KAT6B: variants seen among roughly 807,000 people sequenced by gnomAD.
KAT6B encodes histone acetyltransferase KAT6B.
In KAT6B, 10 loss-of-function variants were observed where a neutral mutation model predicts 187.5. That is an observed-to-expected ratio of 0.05 (90% confidence interval 0.03 to 0.09). The LOEUF (loss-of-function observed/expected upper bound fraction) is 0.09. Ranked by LOEUF, KAT6B falls within the 10% of genes least tolerant of loss-of-function variation. The pLI is 1.00. For missense variants in KAT6B, 1,952 were observed against 2,558.9 expected (o/e 0.76, Z 5.12); for synonymous variants, 861 against 926.8 (o/e 0.93, Z 1.29).
In KAT6B at chr10:75,022,224, A is replaced by C; in HGVS notation, c.3365A>C (p.Lys1122Thr). The change falls in exon 16 of 18, where the codon AAG (lysine) becomes ACG (threonine). Residue 1122 changes from lysine (K) to threonine (T), a missense_variant. Lys to Thr is a moderately conservative substitution (Grantham distance 78). Coordinates refer to ENST00000287239, the MANE Select transcript of KAT6B (RefSeq NM_012330.4). ...ACGAAACCACAGTCAGTTGCCATAA[A>C]GAGAAAGGTAGGTGTCTGTTTAGAT... The part of the protein sequence containing the change: ...RLTKPQSVAI[K>T]RKRPFVLKKK... The C allele has an allele frequency of 6.2e-7, 1 of 1,613,154 alleles. No homozygotes were observed.
At chr10:75,000,525 G>A (rs547022328) in intron 13 of KAT6B, among the ~76,000 whole-genome samples, 20 of 152,092 alleles carry the variant, frequency 1.3e-4, no homozygotes, top group African/African-American at 4.1e-4. Context: ...TGTAACTAAC[G>A]CTATAAAGGG....
At chr10:74,997,755 T>G (rs1297807395) in intron 13 of KAT6B, among the ~76,000 whole-genome samples, 1 of 152,164 alleles carries the variant, frequency 6.6e-6, no homozygotes, top group Non-Finnish European at 1.5e-5. Flanking sequence ...AGGCATTTTC[T>G]GGAACTTTGA....
chr10:74,826,391 G>A (rs577079720), upstream of KAT6B, among the ~76,000 whole-genome samples: 166 of 152,238 alleles, frequency 1.1e-3, no homozygotes, highest in African/African-American at 3.5e-3. Context: ...GTGCCGGAGG[G>A]GGGGATGATG....
intron 3 of KAT6B, among the ~76,000 whole-genome samples, chr10:74,934,362 A>G (rs1849095491): frequency 6.6e-6 from 1 of 152,126 alleles, no homozygotes; most frequent in South Asian, 2.1e-4. Context: ...CTCTCAACAT[A>G]CAGACATTGA....
intron 4 of KAT6B, among the ~76,000 whole-genome samples, chr10:74,968,780 C>T (rs1207428938): frequency 1.3e-5 from 2 of 152,138 alleles, no homozygotes; most frequent in Non-Finnish European, 2.9e-5. Flanking sequence ...TTAAACTGTA[C>T]AGCCTTCCAA....
chr10:74,967,286 C>T (rs1261625251), intron 4 of KAT6B, among the ~76,000 whole-genome samples: 3 of 146,978 alleles, frequency 2.0e-5, no homozygotes, highest in Non-Finnish European at 3.0e-5. Context: ...GCCAAGATGA[C>T]GCCACTGCAC....
At chr10:75,009,862 G>A (rs772015864) in intron 13 of KAT6B, among the ~76,000 whole-genome samples, 1 of 152,154 alleles carries the variant, frequency 6.6e-6, no homozygotes, top group African/African-American at 2.4e-5. Context: ...TTACCCAGGC[G>A]TGGTGGTGCA....
intron 3 of KAT6B, among the ~76,000 whole-genome samples, chr10:74,870,940 C>T (rs1267801068): frequency 1.4e-5 from 2 of 146,928 alleles, no homozygotes; most frequent in Non-Finnish European, 3.0e-5. Flanking sequence ...TGCTATGGCA[C>T]GATCTCGGCT....
At position 74,957,379 on chromosome 10, in the gene KAT6B, C is replaced by T. The variant is rs111383648; in HGVS notation, c.622-2591C>T. 2.7e-3 allele frequency among the ~76,000 whole-genome samples: 407 copies of T among 152,254 alleles called. 16 individuals carry two copies. Among genetic ancestry groups the T allele is most frequent in the African/African-American group, 9.3e-3 (385 of 41,546 alleles). On this transcript the variant is annotated intron_variant, in intron 3 of 17. Transcript: ENST00000287239. The stretch of plus-strand genomic sequence containing the variant: ...GAGCATACATCAGCATGGCGGGGTT[C>T]GCTTGAATGTAGCGTGAAGTGATAA...
At chr10:74,958,586 G>A (rs929393765) in intron 3 of KAT6B, among the ~76,000 whole-genome samples, 1 of 152,174 alleles carries the variant, frequency 6.6e-6, no homozygotes, top group Admixed American at 6.5e-5. Context: ...GGCACTGTCA[G>A]CTATTCCTAT....
chr10:75,006,515 A>T (rs374263781), intron 13 of KAT6B, among the ~76,000 whole-genome samples: 1 of 152,100 alleles, frequency 6.6e-6, no homozygotes, highest in African/African-American at 2.4e-5. Context: ...CAGTGGTGCG[A>T]TCTCAGCTTA....
intron 8 of KAT6B, 63 bp downstream of exon 8, chr10:74,976,393 A>C: frequency 5.4e-5 from 73 of 1,353,742 alleles, no homozygotes; most frequent in Non-Finnish European, 7.5e-5. Context: ...CAACCCTGAA[A>C]AAAATCAACC....
chr10:74,990,669 T>G (rs551563608), intron 13 of KAT6B, among the ~76,000 whole-genome samples: 1 of 152,322 alleles, frequency 6.6e-6, no homozygotes, highest in South Asian at 2.1e-4. Flanking sequence ...ACCATTTTTA[T>G]TTTTATAGAG....
chr10:74,977,426 C>T lies in KAT6B; in HGVS notation c.2104C>T (p.Leu702Phe). The T allele has an allele frequency of 1.2e-6, 2 of 1,613,784 alleles. No homozygotes were observed. The highest frequency in any genetic ancestry group is 1.7e-6 in the Non-Finnish European group (2 of 1,179,782). ...GGATGTTTTTAAGCAGGCCCAGGAACTTTCTTGGGAGGTAAGGCGAGGATC... is the reference window on the plus strand; with the variant it reads ...GGATGTTTTTAAGCAGGCCCAGGAATTTTCTTGGGAGGTAAGGCGAGGATC... ...DLDVFKQAQE[L>F]SWEKIECESG... Residue 702 changes from leucine (L) to phenylalanine (F), a missense_variant, in exon 9 of 18, where the codon CTT becomes TTT. Around this residue, in one of 9 missense-constraint regions of KAT6B, gnomAD observed 417 missense variants for 508.9 expected, o/e 0.82. Transcript: ENST00000287239.
intron 3 of KAT6B, among the ~76,000 whole-genome samples, chr10:74,849,237 C>T (rs1050882071): frequency 1.7e-4 from 25 of 145,632 alleles, no homozygotes; most frequent in Non-Finnish European, 7.6e-5. Context: ...CTGCCTTGGC[C>T]TCCCAAAATG....
chr10:74,843,188 T>C lies in KAT6B; in HGVS notation c.331T>C (p.Leu111=), dbSNP rs763852432. ...CCGCAATGTGGATTGGAATAAACTTTTAAGGAGAGCAATTGAAGGACTTGA... is the reference window on the plus strand; with the variant it reads ...CCGCAATGTGGATTGGAATAAACTTCTAAGGAGAGCAATTGAAGGACTTGA... ...DLRNVDWNKL[L]RRAIEGLEEP... The change falls in exon 3 of 18, where the codon TTA becomes CTA. Residue 111 remains leucine (L), a synonymous_variant. Transcript: ENST00000287239. 1.2e-6 allele frequency: 2 copies of C among 1,614,198 alleles called. No homozygotes were observed. Among genetic ancestry groups the C allele is most frequent in the African/African-American group, 1.3e-5 (1 of 75,058 alleles).
At chr10:75,014,213 G>A (rs772089848) in intron 13 of KAT6B, among the ~76,000 whole-genome samples, 4 of 152,104 alleles carry the variant, frequency 2.6e-5, no homozygotes, top group African/African-American at 4.8e-5. Flanking sequence ...AGTGGCTCAC[G>A]CCTGTAATCC....
chr10:74,901,795 A>G (rs921109499), intron 3 of KAT6B, among the ~76,000 whole-genome samples: 2 of 152,216 alleles, frequency 1.3e-5, no homozygotes, highest in African/African-American at 4.8e-5. Flanking sequence ...AAACAAATCT[A>G]AATTAAGAAA....
chr10:75,008,003 A>C (rs967187963), intron 13 of KAT6B, among the ~76,000 whole-genome samples: 15 of 152,242 alleles, frequency 9.9e-5, no homozygotes, highest in Non-Finnish European at 1.8e-4. Context: ...AATTTACTTG[A>C]ATCAAATCCT....
Sources: allele counts gnomAD v4.1 joint callset (sites outside exome capture counted in the v4.1 genomes callset), GRCh38; gene constraint gnomAD v4.1.1; regional missense constraint gnomAD v4.1.1; transcripts MANE v1.5; gene names NCBI Gene and HGNC (gene_info 2026-07-23, HGNC 2026-07-21).